ADIPOR2: variants seen among roughly 807,000 people sequenced by gnomAD.
The protein encoded by ADIPOR2 is adiponectin receptor protein 2.
Under a neutral mutation model 40.9 loss-of-function variants are expected in ADIPOR2, and 18 were observed. The observed-to-expected ratio is 0.44, with a 90% CI of 0.30 to 0.65. The LOEUF is 0.65. ADIPOR2 is among the 30% of genes least tolerant of loss of function. The pLI is 0.09. For missense variants in ADIPOR2, 283 were observed against 479.2 expected, an observed-to-expected ratio of 0.59 and a Z score of 3.82; for synonymous variants, 165 against 166.4, an observed-to-expected ratio of 0.99 and a Z score of 0.06.
chr12:1,781,771 A>C (rs1251327486), intron 6 of ADIPOR2, among the ~76,000 whole-genome samples: 2 of 152,166 alleles, frequency 1.3e-5, no homozygotes, highest in Non-Finnish European at 2.9e-5. Flanking sequence ...TTAAACCCCC[A>C]AAACCATTTA....
intron 2 of ADIPOR2, chr12:1,757,498 C>T: frequency 1.3e-6 from 1 of 758,468 alleles, no homozygotes; most frequent in Non-Finnish European, 2.4e-6. Flanking sequence ...TTACCATTGT[C>T]AAACTTGATG....
chr12:1,705,389 C>T (rs1454030779), intron 1 of ADIPOR2, among the ~76,000 whole-genome samples: 3 of 152,110 alleles, frequency 2.0e-5, no homozygotes, highest in Admixed American at 6.6e-5. Context: ...CATCTCTAAT[C>T]CAAAAATCTG....
chr12:1,782,633 A>G (rs1224485303), intron 6 of ADIPOR2, among the ~76,000 whole-genome samples: 1 of 152,246 alleles, frequency 6.6e-6, no homozygotes, highest in Non-Finnish European at 1.5e-5. Context: ...CACGTATGTT[A>G]CAGTCTGATA....
intron 2 of ADIPOR2, chr12:1,757,315 A>G (rs1040089996): frequency 1.0e-5 from 7 of 672,572 alleles, no homozygotes; most frequent in Non-Finnish European, 1.6e-5. Context: ...CAGGGAAGAG[A>G]AGTCTGTGGT....
At chr12:1,784,171 A>G in intron 7 of ADIPOR2, 98 bp downstream of exon 7, 2 of 1,327,220 alleles carry the variant, frequency 1.5e-6, no homozygotes, top group Non-Finnish European at 2.0e-6. Context: ...ACACAAAGTC[A>G]GGAGAGTTGT....
chr12:1,735,533 A>T (rs1451498070), intron 1 of ADIPOR2, among the ~76,000 whole-genome samples: 1 of 152,186 alleles, frequency 6.6e-6, no homozygotes, highest in Non-Finnish European at 1.5e-5. Context: ...CAATCATGTC[A>T]TCTGCAAACA....
chr12:1,754,709 T>C (rs1227755549), intron 2 of ADIPOR2, among the ~76,000 whole-genome samples, 195 bp downstream of exon 2: 1 of 67,460 alleles, frequency 1.5e-5, no homozygotes, highest in African/African-American at 5.6e-5. Context: ...TTACTACTAC[T>C]ACTACTACTA....
rs961707011 is a variant in ADIPOR2 at position 1,730,028 on chromosome 12, G to T, written c.-86-24230G>T. 2.0e-5 allele frequency among the ~76,000 whole-genome samples: 3 copies of T among 152,100 alleles called. No homozygotes were observed. The South Asian group carries it at 6.2e-4, about 32-fold the overall frequency. The stretch of plus-strand genomic sequence containing the variant: ...CACAACAAAAAAAGGTGAGGGAAAA[G>T]TGTTAATATATCATTTAAGTGACTG... On this transcript the variant is annotated intron_variant, in intron 1 of 7. Coordinates refer to ENST00000357103, the MANE Select transcript of ADIPOR2 (RefSeq NM_024551.3).
At chr12:1,712,737 A>G (rs773830410) in intron 1 of ADIPOR2, among the ~76,000 whole-genome samples, 3 of 152,054 alleles carry the variant, frequency 2.0e-5, no homozygotes, top group Non-Finnish European at 2.9e-5. Context: ...TGCTGTATCC[A>G]GGGATCTGTA....
At chr12:1,733,025 T>G (rs1410465577) in intron 1 of ADIPOR2, among the ~76,000 whole-genome samples, 1 of 152,190 alleles carries the variant, frequency 6.6e-6, no homozygotes, top group Non-Finnish European at 1.5e-5. Flanking sequence ...AGTTTCACAA[T>G]GGGAAACCTT....
At chr12:1,703,538 C>A (rs1023719309) in intron 1 of ADIPOR2, among the ~76,000 whole-genome samples, 2 of 151,920 alleles carry the variant, frequency 1.3e-5, no homozygotes, top group Non-Finnish European at 2.9e-5. Context: ...GGGTTCGAGA[C>A]CAACCTGGGC....
chr12:1,727,225 A>G (rs961541466), intron 1 of ADIPOR2, among the ~76,000 whole-genome samples: 1 of 152,214 alleles, frequency 6.6e-6, no homozygotes, highest in Non-Finnish European at 1.5e-5. Context: ...CTTGTAGGTC[A>G]AGTGTGTACT....
intron 1 of ADIPOR2, among the ~76,000 whole-genome samples, chr12:1,743,833 T>C (rs2094748979): frequency 2.0e-5 from 3 of 152,202 alleles, no homozygotes; most frequent in Admixed American, 1.3e-4. Flanking sequence ...TTCTATGTTA[T>C]ATACAAGAAA....
At chr12:1,744,393 C>T (rs2094750361) in intron 1 of ADIPOR2, among the ~76,000 whole-genome samples, 1 of 152,148 alleles carries the variant, frequency 6.6e-6, no homozygotes, top group African/African-American at 2.4e-5. Flanking sequence ...TGTGAGCCAC[C>T]ACGTCCAGCT....
chr12:1,746,573 T>A (rs76949533), intron 1 of ADIPOR2, among the ~76,000 whole-genome samples: 1 of 152,070 alleles, frequency 6.6e-6, no homozygotes. Context: ...CAAGAAGATA[T>A]AACAATTATA....
chr12:1,694,340 A>G (rs1242469279), intron 1 of ADIPOR2, among the ~76,000 whole-genome samples: 1 of 152,250 alleles, frequency 6.6e-6, no homozygotes, highest in African/African-American at 2.4e-5. Flanking sequence ...TGGTGTCTGT[A>G]GGGACTGCTT....
chr12:1,779,994 C>G (rs1320281068), intron 4 of ADIPOR2, among the ~76,000 whole-genome samples: 1 of 152,096 alleles, frequency 6.6e-6, no homozygotes, highest in African/African-American at 2.4e-5. Flanking sequence ...TCCCTGACAG[C>G]TATTGGTAGA....
chr12:1,772,676 T>C, intron 2 of ADIPOR2, 166 bp from the exon 3 acceptor site: 1 of 787,618 alleles, frequency 1.3e-6, no homozygotes, highest in East Asian at 3.0e-5. Context: ...TGTTCATTTT[T>C]AATACTAATA....
At chr12:1,741,142 A>G (rs1246409833) in intron 1 of ADIPOR2, among the ~76,000 whole-genome samples, 2 of 152,160 alleles carry the variant, frequency 1.3e-5, no homozygotes, top group East Asian at 1.9e-4. Flanking sequence ...GAATTATGGT[A>G]AAGATTTGGC....
Sources: gnomAD v4.1 joint callset for allele counts (sites outside exome capture counted in the v4.1 genomes callset) on GRCh38, gnomAD v4.1.1 for gene constraint, MANE v1.5 for transcripts, NCBI Gene and HGNC (gene_info 2026-07-23, HGNC 2026-07-21) for gene names.